CACNA2D1: variants seen among roughly 807,000 people sequenced by gnomAD.
CACNA2D1 encodes the protein calcium voltage-gated channel auxiliary subunit alpha2delta 1.
A neutral mutation model predicts 171.5 loss-of-function variants in CACNA2D1; 53 were observed. The observed-to-expected ratio is 0.31, with a 90% CI of 0.25 to 0.39. The LOEUF is 0.39. Ranked by LOEUF, CACNA2D1 falls within the 10% of genes least tolerant of loss-of-function variation. CACNA2D1 has a pLI of 1.00. For missense variants in CACNA2D1, 903 were observed against 1,299.8 expected, an observed-to-expected ratio of 0.69 and a Z score of 4.69; for synonymous variants, 442 against 443.1, an observed-to-expected ratio of 1.00 and a Z score of 0.03.
intron 11 of CACNA2D1, among the ~76,000 whole-genome samples, chr7:82,036,150 A>G (rs1803265104): frequency 6.6e-6 from 1 of 152,084 alleles, no homozygotes; most frequent in African/African-American, 2.4e-5. Context: ...TCACTCTGCA[A>G]CCCAGCCCAC....
At chr7:81,966,373 A>G (rs1307479113) in intron 31 of CACNA2D1, among the ~76,000 whole-genome samples, 2 of 151,628 alleles carry the variant, frequency 1.3e-5, no homozygotes, top group Non-Finnish European at 3.0e-5. Context: ...GAAGCAGTTT[A>G]TTACTAAAAT....
chr7:82,156,085 T>C (rs1361437838), intron 4 of CACNA2D1, among the ~76,000 whole-genome samples: 2 of 152,180 alleles, frequency 1.3e-5, no homozygotes, highest in East Asian at 1.9e-4. Flanking sequence ...GGTGTTAGCA[T>C]ATAAGGTCTA....
chr7:82,089,796 T>C (rs1810914658), intron 6 of CACNA2D1, among the ~76,000 whole-genome samples: 3 of 152,222 alleles, frequency 2.0e-5, no homozygotes, highest in African/African-American at 7.2e-5. Flanking sequence ...TCCAGTGTTC[T>C]TCTGCAAACT....
At chr7:82,397,234 GTATAACCTGTATCATTGTATTTGTACT>G (rs1437930322) in intron 1 of CACNA2D1, among the ~76,000 whole-genome samples, 10 of 152,088 alleles carry the variant, frequency 6.6e-5, no homozygotes, top group Non-Finnish European at 1.0e-4. Context: ...GCCCTCACAT[GTATAACCTGTATCATTGTATTTGTACT>G]TATAACCTGT....
chr7:81,974,815 G>A (rs1439321272), intron 24 of CACNA2D1, among the ~76,000 whole-genome samples: 3 of 151,642 alleles, frequency 2.0e-5, no homozygotes, highest in Non-Finnish European at 4.4e-5. Flanking sequence ...TATTATCATT[G>A]TATATCTTAG....
chr7:82,150,338 C>T (rs1422543441), intron 4 of CACNA2D1, among the ~76,000 whole-genome samples: 1 of 143,702 alleles, frequency 7.0e-6, no homozygotes, highest in Non-Finnish European at 1.5e-5. Context: ...CCCCAGTAAG[C>T]CATTATTTTG....
intron 10 of CACNA2D1, among the ~76,000 whole-genome samples, chr7:82,047,193 C>T (rs1319130051): frequency 6.6e-6 from 1 of 152,088 alleles, no homozygotes; most frequent in Admixed American, 6.6e-5. Flanking sequence ...TCTCCAGGTA[C>T]AATAACCTTA....
intron 3 of CACNA2D1, among the ~76,000 whole-genome samples, chr7:82,180,712 T>C (rs1410671366): frequency 6.6e-6 from 1 of 151,946 alleles, no homozygotes; most frequent in Non-Finnish European, 1.5e-5. Flanking sequence ...GAAACTAAAA[T>C]GCATAAAACA....
At chr7:82,348,883 C>T (rs1345968248) in intron 2 of CACNA2D1, among the ~76,000 whole-genome samples, 1 of 152,014 alleles carries the variant, frequency 6.6e-6, no homozygotes, top group Admixed American at 6.6e-5. Context: ...TAAAAAGTGA[C>T]ATTTAATTTT....
rs180876140 is a variant in CACNA2D1 at position 82,231,166 on chromosome 7, C to A, written c.295-60557G>T. Among the ~76,000 whole-genome samples the A allele has an allele frequency of 1.5e-3, 226 of 152,312 alleles. 2 individuals are homozygous for A. The highest frequency in any genetic ancestry group is 5.3e-3 in the African/African-American group (221 of 41,572). On this transcript the variant is annotated intron_variant, in intron 3 of 38. Coordinates refer to ENST00000356860, the MANE Select transcript of CACNA2D1 (RefSeq NM_000722.4). ...AGCACTGGGAACCTGCCCTCAAGTC[C>A]TCCCCTTCCAGGGAAGGCTGGAAAG...
chr7:82,391,308 T>G (rs949021060), intron 1 of CACNA2D1, among the ~76,000 whole-genome samples: 1 of 152,208 alleles, frequency 6.6e-6, no homozygotes, highest in Non-Finnish European at 1.5e-5. Context: ...TTGCATGCTT[T>G]ATGTGTCAAA....
intron 3 of CACNA2D1, among the ~76,000 whole-genome samples, chr7:82,295,719 CA>C (rs905264285): frequency 3.1e-4 from 44 of 143,408 alleles, no homozygotes; most frequent in Middle Eastern, 3.6e-3. Flanking sequence ...CAGTTTGTGA[CA>C]AAAAAAAAAG....
chr7:82,338,123 C>T lies in CACNA2D1; in HGVS notation c.178-2872G>A, dbSNP rs1818215940. ...AGTCACTTTGCTCTAATTAAGTCTA[C>T]AGTTCCAAGATAATCATCACAATTA... is the stretch of plus-strand genomic sequence containing the variant. On this transcript the variant is annotated intron_variant, in intron 2 of 38. Transcript: ENST00000356860. 1.3e-5 allele frequency among the ~76,000 whole-genome samples: 2 copies of T among 152,098 alleles called. 1 individual carries two copies. Among genetic ancestry groups the T allele is most frequent in the South Asian group, 4.1e-4 (2 of 4,828 alleles).
rs186996637 is a variant in CACNA2D1 at position 82,093,150 on chromosome 7, T to C, written c.527-8250A>G. ...TCCACCCTCTCACAGACTGCACGTC[T>C]TTCTGTCAGAAGTAACCACTTGATC... On this transcript the variant is annotated intron_variant, in intron 6 of 38. Transcript: ENST00000356860. Among the ~76,000 whole-genome samples the C allele has an allele frequency of 3.9e-4, 59 of 152,320 alleles. 1 individual carries two copies. In the East Asian group the frequency reaches 0.011, roughly 28 times the overall value.
At chr7:82,019,594 C>T (rs1800939800) in intron 12 of CACNA2D1, among the ~76,000 whole-genome samples, 1 of 152,114 alleles carries the variant, frequency 6.6e-6, no homozygotes, top group Non-Finnish European at 1.5e-5. Flanking sequence ...TTCTGCTAAT[C>T]TGTTTTTGTT....
chr7:82,158,843 C>T (rs1229045522), intron 4 of CACNA2D1, among the ~76,000 whole-genome samples: 10 of 151,704 alleles, frequency 6.6e-5, no homozygotes, highest in Non-Finnish European at 1.0e-4. Flanking sequence ...CTTCATGGCT[C>T]AAAAAATAAG....
At position 82,092,080 on chromosome 7, in the gene CACNA2D1, A is replaced by G. The variant is rs184533579; in HGVS notation, c.527-7180T>C. Among the ~76,000 whole-genome samples, 697 of 152,326 alleles carry G rather than the reference A, an allele frequency of 4.6e-3. 3 individuals are homozygous for G. The highest frequency in any genetic ancestry group is 6.8e-3 in the Middle Eastern group (2 of 294). ...CATAGACAACAACTTTTGACCTGTC[A>G]GCATACTGTTTTAGTCCAGTCAGTA... On this transcript the variant is annotated intron_variant, in intron 6 of 38. Transcript: ENST00000356860.
rs551354977 is a variant in CACNA2D1 at position 81,967,551 on chromosome 7, T to C, written c.2463+45A>G. ...CCTTATATTTTTTTCTATTGAATTT[T>C]GAAAACATTAAACATAGCATAAGAA... On this transcript the variant is annotated intron_variant, in intron 30 of 38. Transcript: ENST00000356860. The C allele has an allele frequency of 3.9e-6, 4 of 1,036,146 alleles. No homozygotes were observed. In the African/African-American group the frequency reaches 6.4e-5, roughly 16 times the overall value. The allele number at this position is 1,036,146 out of a possible 1,614,324, so 64.2% of individuals were successfully genotyped here.
chr7:81,988,552 G>C (rs1434645729), intron 21 of CACNA2D1, among the ~76,000 whole-genome samples: 1 of 152,072 alleles, frequency 6.6e-6, no homozygotes, highest in Non-Finnish European at 1.5e-5. Context: ...GAGTTGGTTT[G>C]ATTTTTATTA....
Sources: allele counts gnomAD v4.1 joint callset (sites outside exome capture counted in the v4.1 genomes callset), GRCh38; gene constraint gnomAD v4.1.1; transcripts MANE v1.5; gene names NCBI Gene and HGNC (gene_info 2026-07-23, HGNC 2026-07-21).